Variants in LARP7 observed in about 807,000 individuals in gnomAD.
LARP7 encodes the protein la-related protein 7.
Under a neutral mutation model 69.3 loss-of-function variants are expected in LARP7, and 52 were observed. The observed-to-expected ratio is 0.75, with a 90% CI of 0.60 to 0.95. The LOEUF (loss-of-function observed/expected upper bound fraction) is 0.95. Ranked by LOEUF, LARP7 falls within the 40% of genes least tolerant of loss-of-function variation. LARP7 has a pLI of 0.00. For synonymous variants in LARP7, 254 were observed against 215.9 expected (o/e 1.18, Z -1.55); for missense variants, 733 against 673.0 (o/e 1.09, Z -0.99).
In LARP7 at chr4:112,647,493, A is replaced by C. The variant is rs767188889; in HGVS notation, c.941A>C (p.Lys314Thr). 1 of 1,613,556 alleles carries C rather than the reference A, an allele frequency of 6.2e-7. No individual in the cohort carries two copies. The highest frequency in any genetic ancestry group is 1.1e-5 in the South Asian group (1 of 90,954). ...ESLAPRSKVK[K>T]IIQKDIIKEA... ...CTAGCTCCCCGATCAAAAGTAAAGA[A>C]AATTATTCAGAAAGACATCATTAAG... is the stretch of plus-strand genomic sequence containing the variant. The change falls in exon 7 of 13, where the codon AAA becomes ACA. Residue 314 changes from lysine (K) to threonine (T), a missense_variant. Lys to Thr is a moderately conservative substitution (Grantham distance 78). Coordinates refer to ENST00000344442, the MANE Select transcript of LARP7 (RefSeq NM_016648.4).
chr4:112,649,568 A>G lies in LARP7; in HGVS notation c.1176A>G (p.Leu392=). The change falls in exon 9 of 13, where the codon TTA becomes TTG. Residue 392 remains leucine, a synonymous_variant. Coordinates refer to ENST00000344442, the MANE Select transcript of LARP7 (RefSeq NM_016648.4). ...SEWMDLKKEY[L]ALQKASMASL... The stretch of plus-strand genomic sequence containing the variant: ...GGATGGATTTGAAAAAAGAGTATTT[A>G]GCGCTACAAAAAGCTAGCATGGCTT... 6.2e-7 allele frequency: 1 copy of G among 1,605,864 alleles called. No homozygotes were observed. Among genetic ancestry groups the G allele is most frequent in the Non-Finnish European group, 8.5e-7 (1 of 1,176,076 alleles).
At chr4:112,649,820 TTTG>T (rs2048628224) in intron 9 of LARP7, 134 bp downstream of exon 9, 1 of 579,150 alleles carries the variant, frequency 1.7e-6, no homozygotes. Context: ...CAATTCTTGA[TTTG>T]TTAAGTTATC....
At chr4:112,637,395 G>T (rs909532844) in intron 1 of LARP7, 156 bp downstream of exon 1, 1 of 152,242 alleles carries the variant, frequency 6.6e-6, no homozygotes, top group South Asian at 2.1e-4. Flanking sequence ...TTATCTATGC[G>T]CACGCGCAAA....
At chr4:112,657,110 G>A (rs6533631) in intron 12 of LARP7, 137 bp from the exon 13 acceptor site, 47,862 of 417,660 alleles carry the variant, frequency 0.11, 3,262 homozygotes, top group East Asian at 0.23. Flanking sequence ...TCATCTTCTC[G>A]CTGTTTTTAA....
intron 1 of LARP7, chr4:112,637,862 C>G (rs1490371190): frequency 6.6e-6 from 1 of 152,242 alleles, no homozygotes; most frequent in Non-Finnish European, 1.5e-5. Context: ...CAAAGCAGAA[C>G]ACACAGGCCA....
rs1060499762 is a variant in LARP7, at chr4:112,647,384, A to T, written c.832A>T (p.Lys278Ter). 6.2e-7 allele frequency: 1 copy of T among 1,614,102 alleles called. No homozygotes were observed. The highest frequency in any genetic ancestry group is 8.5e-7 in the Non-Finnish European group (1 of 1,180,008). The part of the protein sequence containing the change: ...PQKQCSKKKK[K>*]RDRVEASSLP... The stretch of plus-strand genomic sequence containing the variant: ...AAAGCAGTGCTCAAAGAAAAAGAAA[A>T]AACGGGACAGAGTTGAAGCATCTAG... The change falls in exon 7 of 13, where the codon AAA (lysine) becomes TAA (stop). Residue 278 changes from lysine to a stop codon, truncating the protein, a stop_gained. Coordinates refer to ENST00000344442, the MANE Select transcript of LARP7 (RefSeq NM_016648.4). LOFTEE classifies it high-confidence loss of function.
rs2149265707 is a variant in LARP7, at chr4:112,647,233, A to C, written c.681A>C (p.Arg227=). The change falls in exon 7 of 13, where the codon CGA becomes CGC. Residue 227 remains arginine (R), a synonymous_variant. Coordinates refer to ENST00000344442, the MANE Select transcript of LARP7 (RefSeq NM_016648.4). ...AAAAGAAAAAGAAGAAGAAAGGCCG[A>C]ATGAAAAAGGAAGACAATATCCAAG... The part of the protein sequence containing the change: ...EKKKKKKKKG[R]MKKEDNIQAK... 6.3e-7 allele frequency: 1 copy of C among 1,597,548 alleles called. No homozygotes were observed. The highest frequency in any genetic ancestry group is 2.2e-5 in the East Asian group (1 of 44,792).
In LARP7 at chr4:112,647,781, TAAAG is replaced by T. The variant is rs775657157; in HGVS notation, c.1091_1094del (p.Lys364ArgfsTer12). On this transcript the variant is annotated frameshift_variant, in exon 8 of 13. Coordinates refer to ENST00000344442, the MANE Select transcript of LARP7 (RefSeq NM_016648.4). LOFTEE classifies it high-confidence loss of function. ...CAAAAAGGAAACATAAGAAAAAACA[TAAAG>T]AGAGACATAAAATGGGAGAAGAAGT... 2.0e-5 allele frequency: 32 copies of T among 1,585,368 alleles called. No individual in the cohort carries two copies. The highest frequency in any genetic ancestry group is 5.4e-5 in the Admixed American group (3 of 55,994).
At chr4:112,648,540 G>A (rs556661625) in intron 8 of LARP7, 3 of 529,664 alleles carry the variant, frequency 5.7e-6, no homozygotes, top group Admixed American at 2.0e-5. Flanking sequence ...GCACTTCCAT[G>A]TTAAAGTTGA....
intron 10 of LARP7, among the ~76,000 whole-genome samples, chr4:112,651,700 G>T (rs1174410371): frequency 2.6e-5 from 4 of 152,070 alleles, no homozygotes; most frequent in Non-Finnish European, 5.9e-5. Flanking sequence ...AGCTGTGTTG[G>T]TTACAACTGT....
intron 1 of LARP7, among the ~76,000 whole-genome samples, chr4:112,642,601 C>G (rs1397933584): frequency 6.6e-6 from 1 of 152,208 alleles, no homozygotes; most frequent in East Asian, 1.9e-4. Context: ...GATGCAAATA[C>G]TGCTTACCAA....
In LARP7 at chr4:112,639,896, TATA is replaced by T. The variant is rs2047892666; in HGVS notation, c.-3+2660_-3+2662del. The stretch of plus-strand genomic sequence containing the variant: ...AATTATAGATTATCAATTATAGAAT[TATA>T]ATTATCAATTATAGAATAATTGATA... On this transcript the variant is annotated intron_variant, in intron 1 of 12. Coordinates refer to ENST00000344442, the MANE Select transcript of LARP7 (RefSeq NM_016648.4). 5.9e-5 allele frequency among the ~76,000 whole-genome samples: 9 copies of T among 152,136 alleles called. 2 individuals are homozygous for T. The highest frequency in any genetic ancestry group is 5.9e-4 in the Admixed American group (9 of 15,274).
chr4:112,650,625 T>C (rs765533870), intron 10 of LARP7, 43 bp downstream of exon 10: 1 of 1,559,822 alleles, frequency 6.4e-7, no homozygotes, highest in South Asian at 1.2e-5. Flanking sequence ...CTTTCTTCTC[T>C]TATTATTTCC....
In LARP7 at chr4:112,646,809, G is replaced by C. The variant is rs201063875; in HGVS notation, c.406G>C (p.Val136Leu). ...TVYVELLPKN[V>L]NHSWIERVFG... ...ATAATAGGAGTTACTTCCCAAAAAT[G>C]TTAATCACAGCTGGATTGAAAGAGT... Residue 136 changes from valine to leucine, a missense_variant, in exon 5 of 13, where the codon GTT becomes CTT. Physicochemically the swap from Val to Leu is conservative, Grantham distance 32. Transcript: ENST00000344442. The C allele has an allele frequency of 6.3e-7, 1 of 1,589,144 alleles. No homozygotes were observed. Among genetic ancestry groups the C allele is most frequent in the Non-Finnish European group, 8.5e-7 (1 of 1,173,246 alleles).
rs753453551 is a variant in LARP7, at chr4:112,646,751, G to A, written c.388-40G>A. Reference sequence around the variant, plus strand: ...TAAGTTAAAAATTTATTGACATTCTGATTGTGAAAAACTCTAATATTGCTT... The same window carrying A: ...TAAGTTAAAAATTTATTGACATTCTAATTGTGAAAAACTCTAATATTGCTT... On this transcript the variant is annotated intron_variant, in intron 4 of 12. Coordinates refer to ENST00000344442, the MANE Select transcript of LARP7 (RefSeq NM_016648.4). 11 of 1,556,278 alleles carry A rather than the reference G, an allele frequency of 7.1e-6. No individual in the cohort carries two copies. In the East Asian group the frequency reaches 2.2e-4, roughly 32 times the overall value.
At chr4:112,644,391 T>G in intron 1 of LARP7, 230 of 702,234 alleles carry the variant, frequency 3.3e-4, no homozygotes, top group Non-Finnish European at 4.2e-4. Context: ...TGCAGCTTAG[T>G]GAGATAAAGG....
Position 112,647,550 on chromosome 4 carries a change from G to T in LARP7, c.997+1G>T, listed in dbSNP as rs1289631366. 1.3e-6 allele frequency: 2 copies of T among 1,583,982 alleles called. No individual in the cohort carries two copies. Among genetic ancestry groups the T allele is most frequent in the Non-Finnish European group, 8.6e-7 (1 of 1,166,806 alleles). On this transcript the variant is annotated splice_donor_variant, in intron 7 of 12. Transcript: ENST00000344442. LOFTEE classifies it high-confidence loss of function. ...TCAGAAGCTTCCAAGGAAAATAGAG[G>T]TAAAACTACAAGGTTTTAATTAGAT... is the stretch of plus-strand genomic sequence containing the variant.
intron 11 of LARP7, among the ~76,000 whole-genome samples, 168 bp from the exon 12 acceptor site, chr4:112,653,900 C>T (rs543469633): frequency 3.0e-4 from 45 of 152,318 alleles, no homozygotes; most frequent in Admixed American, 1.0e-3. Context: ...TGAGCCACCG[C>T]ACCTGGCAAA....
chr4:112,645,478 G>A (rs1186926148), intron 2 of LARP7: 1 of 455,956 alleles, frequency 2.2e-6, no homozygotes, highest in Non-Finnish European at 4.4e-6. Flanking sequence ...GTTCATACAA[G>A]AAGGCATTTC....
Sources: allele counts gnomAD v4.1 joint callset (sites outside exome capture counted in the v4.1 genomes callset), GRCh38; gene constraint gnomAD v4.1.1; transcripts MANE v1.5; gene names NCBI Gene and HGNC (gene_info 2026-07-23, HGNC 2026-07-21).